SPATA6: variants seen among roughly 807,000 people sequenced by gnomAD.
SPATA6 encodes the protein spermatogenesis associated 6, also known as spermatogenesis-associated protein 6.
A neutral mutation model predicts 65.3 loss-of-function variants in SPATA6; 56 were observed. The observed-to-expected ratio is 0.86, with a 90% CI of 0.69 to 1.07. The LOEUF is 1.07. Ranked by LOEUF, SPATA6 falls within the 50% of genes least tolerant of loss-of-function variation. The pLI, the probability that SPATA6 is intolerant of heterozygous loss-of-function variation, is 0.00. For synonymous variants in SPATA6, 199 were observed against 213.2 expected, an observed-to-expected ratio of 0.93 and a Z score of 0.58; for missense variants, 590 against 594.8, an observed-to-expected ratio of 0.99 and a Z score of 0.08.
the SPATA6 span, among the ~76,000 whole-genome samples, chr1:48,274,809 T>A: frequency 6.6e-6 from 1 of 152,166 alleles, no homozygotes; most frequent in Non-Finnish European, 1.5e-5. Flanking sequence ...CTTAGGACTG[T>A]CTTGGCTATG....
At chr1:48,408,169 T>C (rs886742592) in intron 5 of SPATA6, among the ~76,000 whole-genome samples, 5 of 152,086 alleles carry the variant, frequency 3.3e-5, no homozygotes, top group African/African-American at 9.6e-5. Flanking sequence ...ATAGGAGAAA[T>C]TACTTAGTTA....
At chr1:48,295,042 A>G (rs540234899), downstream of SPATA6, among the ~76,000 whole-genome samples, 16 of 152,290 alleles carry the variant, frequency 1.1e-4, no homozygotes, top group South Asian at 3.1e-3. Context: ...TATACCCTCT[A>G]TTTCTAACAT....
At chr1:48,276,856 C>T in the SPATA6 span, among the ~76,000 whole-genome samples, 9 of 151,828 alleles carry the variant, frequency 5.9e-5, no homozygotes, top group South Asian at 2.1e-4. Context: ...CCACTTGGTC[C>T]GGAGCTGAAT....
At chr1:48,286,541 T>C in the SPATA6 span, among the ~76,000 whole-genome samples, 2 of 152,228 alleles carry the variant, frequency 1.3e-5, no homozygotes, top group South Asian at 4.1e-4. Flanking sequence ...ATTTATTCTA[T>C]CAGCTTTTTT....
chr1:48,369,430 C>T (rs1425960239), intron 9 of SPATA6, among the ~76,000 whole-genome samples: 1 of 152,332 alleles, frequency 6.6e-6, no homozygotes, highest in East Asian at 1.9e-4. Flanking sequence ...GGGCTCCACC[C>T]AGTTCGAGCT....
chr1:48,319,831 A>C (rs1645548967), intron 11 of SPATA6, among the ~76,000 whole-genome samples: 1 of 152,172 alleles, frequency 6.6e-6, no homozygotes, highest in Non-Finnish European at 1.5e-5. Context: ...CATCCCGGTG[A>C]CAACTGCTGC....
intron 10 of SPATA6, among the ~76,000 whole-genome samples, chr1:48,356,521 T>G (rs1162881143): frequency 6.8e-6 from 1 of 147,326 alleles, no homozygotes; most frequent in Non-Finnish European, 1.5e-5. Flanking sequence ...TTTTTTTTTT[T>G]TTTTTTTTTT....
At chr1:48,289,086 G>A in the SPATA6 span, among the ~76,000 whole-genome samples, 1 of 152,230 alleles carries the variant, frequency 6.6e-6, no homozygotes, top group East Asian at 1.9e-4. Context: ...TAACTAGGAG[G>A]CACCTCCCAG....
At chr1:48,281,276 G>A in the SPATA6 span, among the ~76,000 whole-genome samples, 2 of 151,162 alleles carry the variant, frequency 1.3e-5, no homozygotes, top group African/African-American at 4.9e-5. Context: ...ACTGGCACAA[G>A]ACAGGGATGC....
At chr1:48,410,009 C>T (rs971700314) in intron 5 of SPATA6, among the ~76,000 whole-genome samples, 2 of 152,254 alleles carry the variant, frequency 1.3e-5, no homozygotes, top group Non-Finnish European at 2.9e-5. Flanking sequence ...CAAATTTCTA[C>T]AGCTGGCTTG....
chr1:48,266,281 C>G, the SPATA6 span, among the ~76,000 whole-genome samples: 1 of 152,108 alleles, frequency 6.6e-6, no homozygotes, highest in Non-Finnish European at 1.5e-5. Flanking sequence ...AAACTCAATA[C>G]CTAAGGAAAA....
intron 11 of SPATA6, among the ~76,000 whole-genome samples, chr1:48,311,873 T>C (rs945584200): frequency 1.3e-5 from 2 of 152,158 alleles, no homozygotes; most frequent in African/African-American, 4.8e-5. Flanking sequence ...CCCACCCTAA[T>C]ACTGTGCTTT....
the SPATA6 span, among the ~76,000 whole-genome samples, chr1:48,289,046 C>G: frequency 6.6e-6 from 1 of 152,082 alleles, no homozygotes; most frequent in Non-Finnish European, 1.5e-5. Context: ...CAGACTGCCA[C>G]CTCAAGTGGG....
the SPATA6 span, among the ~76,000 whole-genome samples, chr1:48,264,171 A>G: frequency 6.6e-6 from 1 of 152,200 alleles, no homozygotes; most frequent in Admixed American, 6.5e-5. Flanking sequence ...AACCTTTGGG[A>G]TGTCAGATAT....
chr1:48,386,829 G>C (rs1649521479), intron 8 of SPATA6, among the ~76,000 whole-genome samples: 1 of 152,126 alleles, frequency 6.6e-6, no homozygotes. Context: ...AGTAGCTATG[G>C]CAAGGCACCA....
At chr1:48,415,283 G>C (rs1465032778) in intron 3 of SPATA6, among the ~76,000 whole-genome samples, 2 of 152,286 alleles carry the variant, frequency 1.3e-5, no homozygotes, top group Non-Finnish European at 2.9e-5. Flanking sequence ...AGTAGTTTTT[G>C]GGTTAGGTTG....
chr1:48,436,841 G>C, intron 3 of SPATA6: 1 of 1,612,994 alleles, frequency 6.2e-7, no homozygotes, highest in Non-Finnish European at 8.5e-7. Context: ...TTGGATATCA[G>C]TATTTTCCCT....
the SPATA6 span, among the ~76,000 whole-genome samples, chr1:48,282,710 T>C: frequency 1.3e-5 from 2 of 152,074 alleles, no homozygotes; most frequent in Non-Finnish European, 2.9e-5. Context: ...TGTGGAGAAA[T>C]AGGAACACTT....
At chr1:48,412,849 C>T (rs1168360378) in intron 4 of SPATA6, among the ~76,000 whole-genome samples, 1 of 151,986 alleles carries the variant, frequency 6.6e-6, no homozygotes, top group Non-Finnish European at 1.5e-5. Flanking sequence ...GAACTCCTGA[C>T]CTCAGGTGAT....
Sources: allele counts gnomAD v4.1 joint callset (sites outside exome capture counted in the v4.1 genomes callset), GRCh38; gene constraint gnomAD v4.1.1; transcripts MANE v1.5; gene names NCBI Gene and HGNC (gene_info 2026-07-23, HGNC 2026-07-21).